GPR137C: variants seen among roughly 807,000 people sequenced by gnomAD.
The protein encoded by GPR137C is G protein-coupled receptor 137C.
In GPR137C, 27 loss-of-function variants were observed where a neutral mutation model predicts 43.4. That is an observed-to-expected ratio of 0.62 (90% CI 0.46 to 0.86). The LOEUF (loss-of-function observed/expected upper bound fraction) is 0.86, where lower values mean the gene tolerates loss of function less well. Ranked by LOEUF, GPR137C falls within the 40% of genes least tolerant of loss-of-function variation. The pLI, the probability that GPR137C is intolerant of heterozygous loss-of-function variation, is 0.00. For missense variants in GPR137C, 522 were observed against 534.6 expected (o/e 0.98, Z 0.23); for synonymous variants, 285 against 226.9 (o/e 1.26, Z -2.30).
chr14:52,561,344 A>G (rs1236025731), intron 1 of GPR137C, among the ~76,000 whole-genome samples: 1 of 152,204 alleles, frequency 6.6e-6, no homozygotes, highest in Non-Finnish European at 1.5e-5. Context: ...GTGGTGGCAC[A>G]GGCCTATGGT....
At chr14:52,609,881 G>C (rs966486750) in intron 3 of GPR137C, among the ~76,000 whole-genome samples, 22 of 152,154 alleles carry the variant, frequency 1.4e-4, no homozygotes, top group Admixed American at 1.4e-3. Context: ...GTAAGACCTG[G>C]CCTTTGACTA....
intron 1 of GPR137C, among the ~76,000 whole-genome samples, chr14:52,597,159 G>A (rs1172283190): frequency 2.6e-5 from 4 of 152,136 alleles, no homozygotes; most frequent in African/African-American, 7.2e-5. Flanking sequence ...CCTCCCTGAC[G>A]CTCCAGACAG....
chr14:52,608,058 C>T (rs2039000922), intron 3 of GPR137C, among the ~76,000 whole-genome samples: 1 of 152,008 alleles, frequency 6.6e-6, no homozygotes, highest in Admixed American at 6.6e-5. Context: ...GTTTTTTAAT[C>T]CATTTTGCCA....
chr14:52,587,214 G>C (rs543314389), intron 1 of GPR137C, among the ~76,000 whole-genome samples: 1 of 152,278 alleles, frequency 6.6e-6, no homozygotes, highest in Middle Eastern at 3.4e-3. Context: ...CTATATCTGA[G>C]TAAGTTATGG....
chr14:52,565,023 A>G (rs909745734), intron 1 of GPR137C, among the ~76,000 whole-genome samples: 3 of 152,100 alleles, frequency 2.0e-5, no homozygotes, highest in Non-Finnish European at 4.4e-5. Context: ...AGAATAGGGG[A>G]GTGTTGGTGT....
At chr14:52,569,944 C>T (rs1424429398) in intron 1 of GPR137C, among the ~76,000 whole-genome samples, 1 of 152,006 alleles carries the variant, frequency 6.6e-6, no homozygotes, top group Non-Finnish European at 1.5e-5. Context: ...TCCACGAGAA[C>T]GTCCCTAACC....
In GPR137C at chr14:52,637,152, T is replaced by C. The variant is rs191190187; in HGVS notation, c.*2037T>C. 2.0e-5 allele frequency: 3 copies of C among 152,316 alleles called. No homozygotes were observed. Among genetic ancestry groups the C allele is most frequent in the Admixed American group, 6.5e-5 (1 of 15,286 alleles). The allele number at this position is 152,316 out of a possible 1,614,324, so 9.4% of individuals were successfully genotyped here. On this transcript the variant is annotated 3_prime_UTR_variant, in exon 7 of 7. Transcript: ENST00000321662. The stretch of plus-strand genomic sequence containing the variant: ...TTTGAGGTTTGTAAGTTTATTCTTA[T>C]CACTGACTAGGGTACCCAAATTCTT...
chr14:52,615,106 A>C (rs2039083866), intron 3 of GPR137C, among the ~76,000 whole-genome samples: 1 of 152,176 alleles, frequency 6.6e-6, no homozygotes, highest in Admixed American at 6.5e-5. Flanking sequence ...TTAAGTGTTT[A>C]ATTCGTTTTG....
At position 52,580,633 on chromosome 14, in the gene GPR137C, G is replaced by A. The variant is rs1463896009; in HGVS notation, c.445-17639G>A. Among the ~76,000 whole-genome samples the A allele has an allele frequency of 7.9e-5, 12 of 151,728 alleles. 1 individual carries two copies. The highest frequency in any genetic ancestry group is 1.5e-5 in the Non-Finnish European group (1 of 67,952). On this transcript the variant is annotated intron_variant, in intron 1 of 6. Transcript: ENST00000321662. ...CCCACCTCGGCCTCCCAAAGTGCTGGGATTACAGGCGTGAGCCAACACTCC... is the reference window on the plus strand; with the variant it reads ...CCCACCTCGGCCTCCCAAAGTGCTGAGATTACAGGCGTGAGCCAACACTCC...
intron 1 of GPR137C, among the ~76,000 whole-genome samples, chr14:52,575,060 A>G (rs746352113): frequency 1.3e-5 from 2 of 152,198 alleles, no homozygotes; most frequent in Non-Finnish European, 1.5e-5. Flanking sequence ...TAAATTCAAT[A>G]TATTCCTTAA....
At chr14:52,562,051 A>G (rs2038292848) in intron 1 of GPR137C, among the ~76,000 whole-genome samples, 1 of 152,228 alleles carries the variant, frequency 6.6e-6, no homozygotes, top group South Asian at 2.1e-4. Context: ...CAGGGAAGAA[A>G]TGTACAACCT....
At chr14:52,566,503 T>C (rs548588292) in intron 1 of GPR137C, among the ~76,000 whole-genome samples, 2 of 152,318 alleles carry the variant, frequency 1.3e-5, no homozygotes, top group East Asian at 3.9e-4. Context: ...GAAAGTTCAA[T>C]GTGAGGGCTG....
At chr14:52,581,490 C>T (rs1320327955) in intron 1 of GPR137C, among the ~76,000 whole-genome samples, 7 of 150,164 alleles carry the variant, frequency 4.7e-5, no homozygotes, top group Admixed American at 6.6e-5. Flanking sequence ...GAGCTGAGAT[C>T]GCACCACTGC....
Position 52,553,607 on chromosome 14 carries a change from C to G in GPR137C, c.444+16C>G, listed in dbSNP as rs562760224. On this transcript the variant is annotated intron_variant, in intron 1 of 6. Transcript: ENST00000321662. ...CCTGGCGGAGGTAAGGCGGGAGGGCCGGCATGCGGGGCCCGGGCGGGTGCG... is the reference window on the plus strand; with the variant it reads ...CCTGGCGGAGGTAAGGCGGGAGGGCGGGCATGCGGGGCCCGGGCGGGTGCG... The G allele has an allele frequency of 1.5e-5, 23 of 1,530,946 alleles. No individual in the cohort carries two copies. Among genetic ancestry groups the G allele is most frequent in the Non-Finnish European group, 1.9e-5 (22 of 1,134,380 alleles). The allele number at this position is 1,530,946 out of a possible 1,614,324, so 94.8% of individuals were successfully genotyped here.
At chr14:52,599,846 G>A (rs1034582275) in intron 2 of GPR137C, among the ~76,000 whole-genome samples, 4 of 152,156 alleles carry the variant, frequency 2.6e-5, no homozygotes, top group Non-Finnish European at 5.9e-5. Flanking sequence ...GGATTGGAAA[G>A]GTTAATGTAA....
chr14:52,561,768 A>C lies in GPR137C; in HGVS notation c.444+8177A>C, dbSNP rs180860913. On this transcript the variant is annotated intron_variant, in intron 1 of 6. Coordinates refer to ENST00000321662, the MANE Select transcript of GPR137C (RefSeq NM_001099652.2). ...ATTTCATTTATATTAAATTTTAGAAAGTGCAAACCTATGGTCACAAAAAGC... is the reference window on the plus strand; with the variant it reads ...ATTTCATTTATATTAAATTTTAGAACGTGCAAACCTATGGTCACAAAAAGC... 3.7e-3 allele frequency among the ~76,000 whole-genome samples: 560 copies of C among 152,286 alleles called. 5 individuals are homozygous for C. The highest frequency in any genetic ancestry group is 0.013 in the African/African-American group (529 of 41,566).
In GPR137C at chr14:52,576,490, G is replaced by C. The variant is rs552489173; in HGVS notation, c.445-21782G>C. On this transcript the variant is annotated intron_variant, in intron 1 of 6. Transcript: ENST00000321662. The stretch of plus-strand genomic sequence containing the variant: ...CCCTTTGGGTATATACCCAGTAGTG[G>C]AATTGCTGAATGGAATTATAGTTCC... 3.3e-5 allele frequency among the ~76,000 whole-genome samples: 5 copies of C among 152,298 alleles called. No homozygotes were observed. In the East Asian group the frequency reaches 5.8e-4, roughly 18 times the overall value.
chr14:52,600,410 A>G (rs1227165550), intron 3 of GPR137C, 69 bp downstream of exon 3: 1 of 777,416 alleles, frequency 1.3e-6, no homozygotes, highest in African/African-American at 1.8e-5. Flanking sequence ...ATCATATTTT[A>G]ATGGAAAGTT....
chr14:52,598,367 T>A, intron 2 of GPR137C, 52 bp downstream of exon 2: 1 of 758,870 alleles, frequency 1.3e-6, no homozygotes, highest in South Asian at 2.0e-5. Flanking sequence ...AAGCATTAAT[T>A]CATTAATATT....
Sources: gnomAD v4.1 joint callset for allele counts (sites outside exome capture counted in the v4.1 genomes callset) on GRCh38, gnomAD v4.1.1 for gene constraint, MANE v1.5 for transcripts, NCBI Gene and HGNC (gene_info 2026-07-23, HGNC 2026-07-21) for gene names.